Variants in GTF3C1 observed in about 807,000 individuals in gnomAD.
GTF3C1 encodes the protein general transcription factor IIIC subunit 1.
Under a neutral mutation model 226.7 loss-of-function variants are expected in GTF3C1, and 57 were observed. That is an observed-to-expected ratio of 0.25 (90% CI 0.20 to 0.31). The LOEUF (loss-of-function observed/expected upper bound fraction) is 0.31. Among genes scored for constraint, GTF3C1 ranks in the 10% least tolerant of loss-of-function variants. GTF3C1 has a pLI of 1.00. For missense variants in GTF3C1, 2,217 were observed against 2,776.1 expected (o/e 0.80, Z 4.53); for synonymous variants, 1,090 against 1,084.8 (o/e 1.00, Z -0.09).
chr16:27,522,511 A>C (rs907415853), intron 6 of GTF3C1, among the ~76,000 whole-genome samples: 5 of 152,258 alleles, frequency 3.3e-5, no homozygotes, highest in Non-Finnish European at 4.4e-5. Context: ...ACTGCTTTGC[A>C]GTAAGTTTAA....
intron 27 of GTF3C1, among the ~76,000 whole-genome samples, chr16:27,478,820 C>A (rs2087993819): frequency 6.9e-6 from 1 of 144,118 alleles, no homozygotes. Flanking sequence ...GTAAGAGGAA[C>A]AGCACCTAAA....
intron 6 of GTF3C1, among the ~76,000 whole-genome samples, chr16:27,520,217 C>T (rs1007657823): frequency 3.3e-5 from 5 of 152,134 alleles, no homozygotes; most frequent in South Asian, 2.1e-4. Flanking sequence ...TGGGTTCAAG[C>T]GATTCTTCTG....
At chr16:27,515,768 G>C (rs1368910968) in intron 6 of GTF3C1, among the ~76,000 whole-genome samples, 1 of 152,218 alleles carries the variant, frequency 6.6e-6, no homozygotes, top group Non-Finnish European at 1.5e-5. Context: ...GTCTCACGGG[G>C]TTAATGTTAG....
intron 26 of GTF3C1, among the ~76,000 whole-genome samples, chr16:27,482,169 G>T (rs1010178367): frequency 6.6e-6 from 1 of 152,156 alleles, no homozygotes; most frequent in African/African-American, 2.4e-5. Flanking sequence ...GAATTCTGTT[G>T]TGAGGACTTG....
At position 27,538,971 on chromosome 16, in the gene GTF3C1, TACAC is replaced by T. The variant is rs59679436; in HGVS notation, c.432-619_432-616del. Among the ~76,000 whole-genome samples, 522 of 124,604 alleles carry T rather than the reference TACAC, an allele frequency of 4.2e-3. 5 individuals carry two copies. The highest frequency in any genetic ancestry group is 0.013 in the African/African-American group (390 of 31,152). 81.7% of individuals were successfully genotyped at this position (124,604 alleles called of 152,430 possible). A position where few individuals can be genotyped will look rare whatever the true frequency, so the allele number is the denominator to read the frequency against. On this transcript the variant is annotated intron_variant, in intron 2 of 36. Coordinates refer to ENST00000356183, the MANE Select transcript of GTF3C1 (RefSeq NM_001520.4). The stretch of plus-strand genomic sequence containing the variant: ...AGAAATGACTATATATACACACATA[TACAC>T]ACACACACACACACACACACACACT...
chr16:27,548,892 G>A (rs1282211684), intron 1 of GTF3C1, among the ~76,000 whole-genome samples: 2 of 152,212 alleles, frequency 1.3e-5, no homozygotes, highest in African/African-American at 4.8e-5. Context: ...CGTGGCTCAC[G>A]CCTGTAATCA....
In GTF3C1 at chr16:27,506,053, G is replaced by A; in HGVS notation, c.1616C>T (p.Ala539Val). The A allele has an allele frequency of 4.3e-6, 7 of 1,613,932 alleles. No homozygotes were observed. The highest frequency in any genetic ancestry group is 5.1e-6 in the Non-Finnish European group (6 of 1,179,784). Residue 539 changes from alanine to valine, a missense_variant, in exon 10 of 37, where the codon GCT becomes GTT. By Grantham distance (64) the Ala-to-Val change is moderately conservative (BLOSUM62 0). Transcript: ENST00000356183. ...KKQPPSFPGA[A>V]EERACQSLAS... ...AAGGCTCTGGCAGGCTCTCTCTTCA[G>A]CAGCTCCTGGGAAGGAGGGCGGCTG...
intron 26 of GTF3C1, among the ~76,000 whole-genome samples, chr16:27,481,425 G>A (rs1017396569): frequency 4.6e-5 from 7 of 152,018 alleles, no homozygotes; most frequent in Non-Finnish European, 1.0e-4. Flanking sequence ...GGTACCTGGT[G>A]CCAACTAACC....
intron 2 of GTF3C1, among the ~76,000 whole-genome samples, chr16:27,540,439 C>G (rs897192260): frequency 6.6e-6 from 1 of 152,198 alleles, no homozygotes; most frequent in African/African-American, 2.4e-5. Flanking sequence ...TGGTTTGCTG[C>G]TTTTAAAACG....
chr16:27,542,885 TA>T (rs1302556590), intron 2 of GTF3C1, among the ~76,000 whole-genome samples: 1 of 152,228 alleles, frequency 6.6e-6, no homozygotes, highest in Non-Finnish European at 1.5e-5. Flanking sequence ...CACTGTGAAC[TA>T]AATAAGCCTC....
In GTF3C1 at chr16:27,471,935, G is replaced by T. The variant is rs12933827; in HGVS notation, c.4354-15C>A. 1 of 1,613,146 alleles carries T rather than the reference G, an allele frequency of 6.2e-7. No homozygotes were observed. ...AGGCGGAAAGTCTGCAACACAGGGC[G>T]GCGAGGGTGAGTAGGGTTCTCCAGC... On this transcript the variant is annotated splice_polypyrimidine_tract_variant and intron_variant, in intron 29 of 36. Transcript: ENST00000356183. This position sits in a 1 kb window ranked among gnomAD's most constrained non-coding sequence, Gnocchi z 5.0.
chr16:27,549,139 CAGAG>C (rs1303877362), intron 1 of GTF3C1, among the ~76,000 whole-genome samples: 2 of 152,088 alleles, frequency 1.3e-5, no homozygotes, highest in South Asian at 2.1e-4. Context: ...GCCTGGGCCA[CAGAG>C]AGAGACTCTA....
Position 27,528,602 on chromosome 16 carries a change from C to T in GTF3C1, c.969G>A (p.Lys323=). 6.2e-7 allele frequency: 1 copy of T among 1,612,338 alleles called. No individual in the cohort carries two copies. Among genetic ancestry groups the T allele is most frequent in the Non-Finnish European group, 8.5e-7 (1 of 1,178,634 alleles). The change falls in exon 6 of 37, where the codon AAG becomes AAA. Residue 323 remains lysine, a synonymous_variant. Coordinates refer to ENST00000356183, the MANE Select transcript of GTF3C1 (RefSeq NM_001520.4). ...GAAGCTGAGACTCTGCATTACCTTT[C>T]TTTGTCTTACAAGGTCCACATTCAG... is the stretch of plus-strand genomic sequence containing the variant. ...IHPECGPCKT[K]KGTDVMVRCL...
intron 2 of GTF3C1, among the ~76,000 whole-genome samples, chr16:27,538,909 C>G (rs1015283459): frequency 2.0e-5 from 3 of 151,902 alleles, no homozygotes; most frequent in Non-Finnish European, 4.4e-5. Context: ...GCCCCACCCC[C>G]ACCATTTCCA....
At chr16:27,474,303 C>G (rs1319378092) in intron 29 of GTF3C1, among the ~76,000 whole-genome samples, 1 of 152,192 alleles carries the variant, frequency 6.6e-6, no homozygotes, top group African/African-American at 2.4e-5. Flanking sequence ...CGGTACCACA[C>G]ATCAGAGCCC....
chr16:27,540,161 G>A (rs932486898), intron 2 of GTF3C1, among the ~76,000 whole-genome samples: 3 of 152,110 alleles, frequency 2.0e-5, no homozygotes, highest in African/African-American at 7.2e-5. Context: ...CCACTAAGTA[G>A]GCACAAAGAA....
chr16:27,524,997 T>TA (rs1327672719), intron 6 of GTF3C1, among the ~76,000 whole-genome samples: 1 of 151,880 alleles, frequency 6.6e-6, no homozygotes. Flanking sequence ...CTACTAAAAA[T>TA]ACAAAAATTA....
chr16:27,505,660 G>A (rs1273510045), intron 10 of GTF3C1, among the ~76,000 whole-genome samples: 1 of 152,232 alleles, frequency 6.6e-6, no homozygotes, highest in African/African-American at 2.4e-5. Context: ...ATAAGCTGTT[G>A]GAAATGAATA....
rs2089255055 is a variant in GTF3C1, at chr16:27,549,878, C to G, written c.13G>C (p.Glu5Gln). 2 of 1,611,502 alleles carry G rather than the reference C, an allele frequency of 1.2e-6. No individual in the cohort carries two copies. Among genetic ancestry groups the G allele is most frequent in the Non-Finnish European group, 1.7e-6 (2 of 1,178,522 alleles). The change falls in exon 1 of 37, where the codon GAG (glutamate) becomes CAG (glutamine). Residue 5 changes from glutamate (E) to glutamine (Q), a missense_variant. By Grantham distance (29) the Glu-to-Gln change is conservative (BLOSUM62 2). Coordinates refer to ENST00000356183, the MANE Select transcript of GTF3C1 (RefSeq NM_001520.4). MDAL[E>Q]SLLDEVALEG... The stretch of plus-strand genomic sequence containing the variant: ...AGAGCGACTTCGTCCAACAACGACT[C>G]CAGCGCGTCCATTGCTACTTCAGTC...
Sources: allele counts gnomAD v4.1 joint callset (sites outside exome capture counted in the v4.1 genomes callset), GRCh38; gene constraint gnomAD v4.1.1; non-coding constraint Gnocchi (gnomAD v3.1); transcripts MANE v1.5; gene names NCBI Gene and HGNC (gene_info 2026-07-23, HGNC 2026-07-21).